The following BCCIP variants were observed in gnomAD, a reference collection of about 807,000 sequenced individuals.
The protein encoded by BCCIP is BRCA2 and CDKN1A-interacting protein.
Under a neutral mutation model 32.8 loss-of-function variants are expected in BCCIP, and 23 were observed. The ratio of observed to expected loss-of-function variants is 0.70; its 90% CI spans 0.51 to 0.99. BCCIP has a LOEUF of 0.99. Ranked by LOEUF, BCCIP falls within the 50% of genes least tolerant of loss-of-function variation. BCCIP has a pLI of 0.00. For missense variants in BCCIP, 378 were observed against 379.8 expected (o/e 1.00, Z 0.04); for synonymous variants, 144 against 137.6 (o/e 1.05, Z -0.33).
chr10:125,836,194 C>T lies in BCCIP; in HGVS notation c.865C>T (p.Pro289Ser), dbSNP rs1854678641. Reference sequence around the variant, plus strand: ...GTCTTTTGATGACGTACCAATGACGCCCTTGCGAACTGTGATGTTAATTCC... The same window carrying T: ...GTCTTTTGATGACGTACCAATGACGTCCTTGCGAACTGTGATGTTAATTCC... ...KWSFDDVPMT[P>S]LRTVMLIPGD... Residue 289 changes from proline to serine, a missense_variant, in exon 7 of 7, where the codon CCC (proline) becomes TCC (serine). Physicochemically the swap from Pro to Ser is moderately conservative, Grantham distance 74. Coordinates refer to ENST00000278100, the MANE Select transcript of BCCIP (RefSeq NM_078468.3). 1.9e-6 allele frequency: 3 copies of T among 1,614,188 alleles called. No homozygotes were observed. The highest frequency in any genetic ancestry group is 2.7e-5 in the African/African-American group (2 of 75,048).
In BCCIP at chr10:125,829,018, G is replaced by A. The variant is rs572820444; in HGVS notation, c.321+1380G>A. On this transcript the variant is annotated intron_variant, in intron 3 of 6. Coordinates refer to ENST00000278100, the MANE Select transcript of BCCIP (RefSeq NM_078468.3). ...AAAAGAAGCAGGCAGAAGTGATATA[G>A]TGCCATTTCCACCATTTGCTTAGTC... 9.2e-5 allele frequency among the ~76,000 whole-genome samples: 14 copies of A among 152,276 alleles called. No individual in the cohort carries two copies. In the East Asian group the frequency reaches 2.7e-3, roughly 29 times the overall value.
In BCCIP at chr10:125,833,919, A is replaced by G. The variant is rs778919456; in HGVS notation, c.747A>G (p.Ala249=). The stretch of plus-strand genomic sequence containing the variant: ...AAAAGAAAGCTGCGTTAATGTTTGC[A>G]AATGCAGAGGAAGAATTTTTCTATG... ...SNKKKAALMF[A]NAEEEFFYEK... The change falls in exon 6 of 7, where the codon GCA becomes GCG. Residue 249 remains alanine (A), a synonymous_variant. Coordinates refer to ENST00000278100, the MANE Select transcript of BCCIP (RefSeq NM_078468.3). 32 of 1,614,254 alleles carry G rather than the reference A, an allele frequency of 2.0e-5. 1 individual carries two copies. In the East Asian group the frequency reaches 6.9e-4, roughly 35 times the overall value.
intron 7 of BCCIP, among the ~76,000 whole-genome samples, chr10:125,848,749 G>C (rs1435622220): frequency 6.6e-6 from 1 of 152,196 alleles, no homozygotes; most frequent in African/African-American, 2.4e-5. Context: ...CTGTGGTGCA[G>C]AGCTCAGGTA....
At chr10:125,823,948 C>T (rs570727802) in intron 1 of BCCIP, among the ~76,000 whole-genome samples, 25 of 152,326 alleles carry the variant, frequency 1.6e-4, no homozygotes, top group Admixed American at 1.4e-3. Context: ...AACCCGCGTC[C>T]TCCCCGAAAA....
chr10:125,843,963 T>C (rs1300774117), downstream of BCCIP, among the ~76,000 whole-genome samples: 2 of 152,194 alleles, frequency 1.3e-5, no homozygotes, highest in African/African-American at 4.8e-5. Context: ...TTCTGAATGT[T>C]TTCCCATCAA....
rs764975377 is a variant in BCCIP, at chr10:125,823,687, A to C, written c.130A>C (p.Lys44Gln). 3 of 1,614,040 alleles carry C rather than the reference A, an allele frequency of 1.9e-6. No homozygotes were observed. In the East Asian group the frequency reaches 6.7e-5, roughly 36 times the overall value. ...GGATGAAGACGATGATGACAGTGAC[A>C]AGGAAAAGGATGAAGAGGACGAGGT... ...NEDEDDDDSD[K>Q]EKDEEDEVID... Residue 44 changes from lysine (K) to glutamine (Q), a missense_variant, in exon 1 of 7, where the codon AAG (lysine) becomes CAG (glutamine). By Grantham distance (53) the Lys-to-Gln change is moderately conservative (BLOSUM62 1). Transcript: ENST00000278100.
At chr10:125,847,643 T>TA (rs1564824769), downstream of BCCIP, among the ~76,000 whole-genome samples, 1 of 152,186 alleles carries the variant, frequency 6.6e-6, no homozygotes, top group African/African-American at 2.4e-5. Context: ...GCTCGTTACA[T>TA]GTGCACTTTA....
Position 125,831,321 on chromosome 10 carries a change from C to A in BCCIP, c.412-99C>A, listed in dbSNP as rs554549451. Reference sequence around the variant, plus strand: ...ACGTTAAGGCTATGGCAGGAAACTGCCCTTAGCTGTAAGATGAAAAGTGAT... The same window carrying A: ...ACGTTAAGGCTATGGCAGGAAACTGACCTTAGCTGTAAGATGAAAAGTGAT... On this transcript the variant is annotated intron_variant, in intron 4 of 6. Coordinates refer to ENST00000278100, the MANE Select transcript of BCCIP (RefSeq NM_078468.3). The A allele has an allele frequency of 3.3e-5, 40 of 1,199,370 alleles. No homozygotes were observed. The South Asian group carries it at 5.7e-4, about 17-fold the overall frequency. The allele number at this position is 1,199,370 out of a possible 1,614,324, so 74.3% of individuals were successfully genotyped here.
intron 7 of BCCIP, among the ~76,000 whole-genome samples, chr10:125,848,046 A>G (rs1161864058): frequency 6.6e-6 from 1 of 152,228 alleles, no homozygotes; most frequent in African/African-American, 2.4e-5. Flanking sequence ...ATTTACATAA[A>G]TGGACAGAGA....
At chr10:125,841,495 A>G, downstream of BCCIP, 2 of 1,451,124 alleles carry the variant, frequency 1.4e-6, no homozygotes, top group Admixed American at 2.8e-5. Context: ...GAAATCTAGT[A>G]TGTTTTCATA....
chr10:125,827,549 T>C lies in BCCIP; in HGVS notation c.241-9T>C. On this transcript the variant is annotated splice_polypyrimidine_tract_variant and intron_variant, in intron 2 of 6. Transcript: ENST00000278100. ...ATCTTAATTTAAAATAATTTTTTCC[T>C]CCTTTTAGCTTTTTCTAAAGGCTCC... 1 of 1,583,748 alleles carries C rather than the reference T, an allele frequency of 6.3e-7. No individual in the cohort carries two copies.
chr10:125,836,131 G>A lies in BCCIP; in HGVS notation c.802G>A (p.Val268Met). ...GGCAATTCTCAAGTTCAACTACTCA[G>A]TGCAGGAGGAGAGCGACACTTGTCT... is the stretch of plus-strand genomic sequence containing the variant. ...EKAILKFNYS[V>M]QEESDTCLGG... Residue 268 changes from valine to methionine, a missense_variant, in exon 7 of 7, where the codon GTG becomes ATG. By Grantham distance (21) the Val-to-Met change is conservative. Coordinates refer to ENST00000278100, the MANE Select transcript of BCCIP (RefSeq NM_078468.3). 1 of 1,614,180 alleles carries A rather than the reference G, an allele frequency of 6.2e-7. No homozygotes were observed. The highest frequency in any genetic ancestry group is 8.5e-7 in the Non-Finnish European group (1 of 1,179,986).
At chr10:125,836,607 C>T (rs545907861), downstream of BCCIP, 23 of 1,514,440 alleles carry the variant, frequency 1.5e-5, no homozygotes, top group African/African-American at 2.2e-4. Flanking sequence ...TCCGTCTTCG[C>T]GTCATGTATC....
Position 125,831,503 on chromosome 10 carries a change from G to A in BCCIP, c.495G>A (p.Leu165=), listed in dbSNP as rs1336751173. The change falls in exon 5 of 7, where the codon CTG becomes CTA. Residue 165 remains leucine (L), a synonymous_variant. Transcript: ENST00000278100. The part of the protein sequence containing the change: ...KNCEKSMVEQ[L]DKFLNDTTKP... ...GTGAAAAGAGCATGGTTGAACAGCT[G>A]GACAAGTTTTTAAATGACACCACCA... is the stretch of plus-strand genomic sequence containing the variant. The A allele has an allele frequency of 6.2e-6, 10 of 1,614,032 alleles. No individual in the cohort carries two copies. Among genetic ancestry groups the A allele is most frequent in the Non-Finnish European group, 8.5e-6 (10 of 1,180,020 alleles).
chr10:125,825,098 G>A (rs1033829032), intron 1 of BCCIP, among the ~76,000 whole-genome samples: 1 of 152,178 alleles, frequency 6.6e-6, no homozygotes, highest in African/African-American at 2.4e-5. Flanking sequence ...TTACTTTTGG[G>A]TTATAGAAAT....
chr10:125,847,744 T>A (rs1489867130), downstream of BCCIP, among the ~76,000 whole-genome samples: 2 of 151,944 alleles, frequency 1.3e-5, no homozygotes, highest in Non-Finnish European at 2.9e-5. Flanking sequence ...CTTGTTTTCC[T>A]GTAACTAGAC....
intron 3 of BCCIP, 57 bp from the exon 4 acceptor site, chr10:125,830,505 T>C (rs1854497507): frequency 8.4e-7 from 1 of 1,193,940 alleles, no homozygotes; most frequent in African/African-American, 1.6e-5. Context: ...AGACTTGGTT[T>C]TATACTCTTG....
chr10:125,832,422 A>G (rs1454604534), intron 5 of BCCIP, among the ~76,000 whole-genome samples: 3 of 151,752 alleles, frequency 2.0e-5, no homozygotes, highest in African/African-American at 7.3e-5. Context: ...TAGGAATGCA[A>G]CTCTACTCTG....
At chr10:125,839,041 A>C, downstream of BCCIP, 2 of 1,614,192 alleles carry the variant, frequency 1.2e-6, no homozygotes, top group Middle Eastern at 1.6e-4. Context: ...CTTTATGTTT[A>C]GAGTGTTTTC....
Sources: gnomAD v4.1 joint callset for allele counts (sites outside exome capture counted in the v4.1 genomes callset) on GRCh38, gnomAD v4.1.1 for gene constraint, MANE v1.5 for transcripts, NCBI Gene and HGNC (gene_info 2026-07-23, HGNC 2026-07-21) for gene names.